Variants in SRRM2 observed in about 807,000 individuals in gnomAD.
SRRM2 encodes serine/arginine repetitive matrix 2, also known as serine/arginine repetitive matrix protein 2.
Under a neutral mutation model 213.8 loss-of-function variants are expected in SRRM2, and 30 were observed. The ratio of observed to expected loss-of-function variants is 0.14; its 90% CI spans 0.10 to 0.19. The LOEUF is 0.19. SRRM2 is among the 10% of genes least tolerant of loss of function. SRRM2 has a pLI of 1.00. For missense variants in SRRM2, 4,904 were observed against 3,647.0 expected (o/e 1.34, Z -8.88); for synonymous variants, 2,025 against 1,377.7 (o/e 1.47, Z -10.40).
chr16:2,759,309 T>A, intron 7 of SRRM2, 43 bp from the exon 8 acceptor site: 1 of 1,610,668 alleles, frequency 6.2e-7, no homozygotes, highest in Non-Finnish European at 8.5e-7. Flanking sequence ...TTTATTTCCT[T>A]TTTTAAAGAA....
At chr16:2,758,923 G>A in intron 5 of SRRM2, 62 bp from the exon 6 acceptor site, 1 of 1,593,422 alleles carries the variant, frequency 6.3e-7, no homozygotes. Context: ...GAGAGAGATT[G>A]TAAGTGGGAG....
chr16:2,761,442 T>C (rs2068344323), intron 10 of SRRM2, 119 bp from the exon 11 acceptor site: 1 of 744,172 alleles, frequency 1.3e-6, no homozygotes, highest in Non-Finnish European at 2.0e-6. Flanking sequence ...AAGTGATCGC[T>C]TGTGGTCAGA....
Position 2,765,759 on chromosome 16 carries a change from G to A in SRRM2, c.5231G>A (p.Arg1744Gln), listed in dbSNP as rs200616521. The change falls in exon 11 of 15, where the codon CGA (arginine) becomes CAA (glutamine). Residue 1744 changes from arginine (R) to glutamine (Q), a missense_variant. Coordinates refer to ENST00000301740, the MANE Select transcript of SRRM2 (RefSeq NM_016333.4). ...GCCGAAAAATCGAGGTCTTCACGCC[G>A]ACGGCGCTCAGCTTCATCTCCACGC... ...EPAEKSRSSR[R>Q]RRSASSPRTK... The A allele has an allele frequency of 1.2e-5, 19 of 1,614,072 alleles. No individual in the cohort carries two copies. The highest frequency in any genetic ancestry group is 8.3e-5 in the Admixed American group (5 of 60,024).
At chr16:2,758,293 C>T (rs1425682386) in intron 4 of SRRM2, among the ~76,000 whole-genome samples, 177 bp from the exon 5 acceptor site, 4 of 152,134 alleles carry the variant, frequency 2.6e-5, no homozygotes, top group African/African-American at 9.7e-5. Flanking sequence ...CTTTTGAGCC[C>T]ACAAGTTGGA....
chr16:2,752,863 G>A lies in SRRM2; in HGVS notation c.-32+17G>A, dbSNP rs753529015. ...AGGCGGCGGGTGAGAGGGTGAGGGAGCCAGCGAGCCGGGTGGGGGAGGGGC... is the reference window on the plus strand; with the variant it reads ...AGGCGGCGGGTGAGAGGGTGAGGGAACCAGCGAGCCGGGTGGGGGAGGGGC... On this transcript the variant is annotated intron_variant, in intron 1 of 14. Transcript: ENST00000301740. 15 of 224,112 alleles carry A rather than the reference G, an allele frequency of 6.7e-5. 1 individual carries two copies. Among genetic ancestry groups the A allele is most frequent in the South Asian group, 6.1e-4 (15 of 24,694 alleles). The allele number at this position is 224,112 out of a possible 1,614,324, so 13.9% of individuals were successfully genotyped here. A position where few individuals can be genotyped will look rare whatever the true frequency, so the allele number is the denominator to read the frequency against.
rs1160494828 is a variant in SRRM2 at position 2,767,853 on chromosome 16, C to T, written c.7325C>T (p.Pro2442Leu). The T allele has an allele frequency of 6.2e-7, 1 of 1,614,132 alleles. No individual in the cohort carries two copies. Residue 2442 changes from proline (P) to leucine (L), a missense_variant, in exon 11 of 15, where the codon CCA (proline) becomes CTA (leucine). By Grantham distance (98) the Pro-to-Leu change is moderately conservative. Transcript: ENST00000301740. ...GQAPSQSLLPPAQDQPRSPVP... is the reference protein window; with the variant it reads ...GQAPSQSLLPLAQDQPRSPVP... ...GCTCCTTCACAGTCTCTTCTCCCTC[C>T]AGCACAGGATCAGCCGAGGTCTCCT...
chr16:2,771,179 A>T lies in SRRM2; in HGVS notation c.*312A>T, dbSNP rs1383373935. On this transcript the variant is annotated 3_prime_UTR_variant, in exon 15 of 15. Transcript: ENST00000301740. ...GTCAGGGCCAGGGAGGCATGGCCCC[A>T]CTTGTATCCAGAAGTTCCCAGGGGT... 5 of 626,520 alleles carry T rather than the reference A, an allele frequency of 8.0e-6. No individual in the cohort carries two copies. Among genetic ancestry groups the T allele is most frequent in the South Asian group, 5.8e-5 (3 of 51,784 alleles). The allele number at this position is 626,520 out of a possible 1,614,324, so 38.8% of individuals were successfully genotyped here. A position where few individuals can be genotyped will look rare whatever the true frequency, so the allele number is the denominator to read the frequency against.
In SRRM2 at chr16:2,766,764, C is replaced by A; in HGVS notation, c.6236C>A (p.Ser2079Tyr). ...TRSPPAIRRR[S>Y]ASGSSSDRSR... Reference sequence around the variant, plus strand: ...TCTCCTCCAGCCATCCGCAGGCGTTCTGCATCTGGAAGTAGTTCTGATCGT... The same window carrying A: ...TCTCCTCCAGCCATCCGCAGGCGTTATGCATCTGGAAGTAGTTCTGATCGT... Residue 2079 changes from serine (S) to tyrosine (Y), a missense_variant, in exon 11 of 15, where the codon TCT (serine) becomes TAT (tyrosine). Transcript: ENST00000301740. The surrounding 1 kb of genome is among the most constrained non-coding windows in gnomAD (Gnocchi z 7.0). The A allele has an allele frequency of 1.2e-6, 2 of 1,614,206 alleles. No homozygotes were observed. The highest frequency in any genetic ancestry group is 1.7e-6 in the Non-Finnish European group (2 of 1,180,042).
At chr16:2,759,282 T>A in intron 7 of SRRM2, 70 bp from the exon 8 acceptor site, 1 of 1,607,224 alleles carries the variant, frequency 6.2e-7, no homozygotes, top group Non-Finnish European at 8.5e-7. Flanking sequence ...ACTCCCTCTT[T>A]CCATTTCACT....
Position 2,762,363 on chromosome 16 carries a change from G to A in SRRM2, c.1835G>A (p.Arg612Lys). ...TCTCGGTCTAGAACACCAGCCCGGA[G>A]GGGCAGGTCTCGGTCTAGAACACCT... ...RRSRSRTPAR[R>K]GRSRSRTPAR... Residue 612 changes from arginine to lysine, a missense_variant, in exon 11 of 15, where the codon AGG becomes AAG. By Grantham distance (26) the Arg-to-Lys change is conservative (BLOSUM62 2). Coordinates refer to ENST00000301740, the MANE Select transcript of SRRM2 (RefSeq NM_016333.4). 2 of 1,611,624 alleles carry A rather than the reference G, an allele frequency of 1.2e-6. No homozygotes were observed. Among genetic ancestry groups the A allele is most frequent in the Non-Finnish European group, 1.7e-6 (2 of 1,179,050 alleles).
chr16:2,762,536 C>A lies in SRRM2; in HGVS notation c.2008C>A (p.Arg670Ser). 1.2e-6 allele frequency: 2 copies of A among 1,613,868 alleles called. No individual in the cohort carries two copies. The highest frequency in any genetic ancestry group is 1.7e-6 in the Non-Finnish European group (2 of 1,179,992). Reference sequence around the variant, plus strand: ...AACCCCAGCCAGACGTGGCCGCTCACGCTCTAGAACCCCAGCTAGACGCAG... The same window carrying A: ...AACCCCAGCCAGACGTGGCCGCTCAAGCTCTAGAACCCCAGCTAGACGCAG... ...SRTPARRGRS[R>S]SRTPARRSGR... Residue 670 changes from arginine (R) to serine (S), a missense_variant, in exon 11 of 15, where the codon CGC becomes AGC. Coordinates refer to ENST00000301740, the MANE Select transcript of SRRM2 (RefSeq NM_016333.4).
Position 2,757,543 on chromosome 16 carries a change from C to G in SRRM2, c.314C>G (p.Pro105Arg). 6.2e-7 allele frequency: 1 copy of G among 1,614,008 alleles called. No individual in the cohort carries two copies. The highest frequency in any genetic ancestry group is 8.5e-7 in the Non-Finnish European group (1 of 1,179,976). Residue 105 changes from proline (P) to arginine (R), a missense_variant, in exon 3 of 15, where the codon CCT becomes CGT. Coordinates refer to ENST00000301740, the MANE Select transcript of SRRM2 (RefSeq NM_016333.4). Reference sequence around the variant, plus strand: ...ATGTTGCTGGAGAAGGATGTGAACCCTGGGGGCAAGGAGGAGACCCCAGGG... The same window carrying G: ...ATGTTGCTGGAGAAGGATGTGAACCGTGGGGGCAAGGAGGAGACCCCAGGG... Reference protein sequence around the residue: ...RLMLLEKDVNPGGKEETPGQR... With the variant: ...RLMLLEKDVNRGGKEETPGQR...
Position 2,765,976 on chromosome 16 carries a change from A to G in SRRM2, c.5448A>G (p.Gly1816=), listed in dbSNP as rs1337911906. Residue 1816 remains glycine (G), a synonymous_variant, in exon 11 of 15, where the codon GGA becomes GGG. Coordinates refer to ENST00000301740, the MANE Select transcript of SRRM2 (RefSeq NM_016333.4). ...CGCGGGTTACTCGGCGGCGGAGGGG[A>G]GGCTCTGGTTATCACTCAAGGTCAC... ...SRSRVTRRRR[G]GSGYHSRSPA... 1 of 1,614,074 alleles carries G rather than the reference A, an allele frequency of 6.2e-7. No individual in the cohort carries two copies. The highest frequency in any genetic ancestry group is 1.3e-5 in the African/African-American group (1 of 74,996).
At chr16:2,761,371 C>T (rs1437203914) in intron 10 of SRRM2, among the ~76,000 whole-genome samples, 190 bp from the exon 11 acceptor site, 1 of 152,184 alleles carries the variant, frequency 6.6e-6, no homozygotes, top group African/African-American at 2.4e-5. Flanking sequence ...AAGATTCTGG[C>T]TATCCATATA....
rs753507937 is a variant in SRRM2 at position 2,768,204 on chromosome 16, G to A, written c.7676G>A (p.Ser2559Asn). ...TCGTCCTCCTCCTCCTCTGGCTCCA[G>A]TTCTAGTGACTCAGAGGGCTCTAGC... The part of the protein sequence containing the change: ...SSSSSSSSGS[S>N]SSDSEGSSLP... The change falls in exon 11 of 15, where the codon AGT (serine) becomes AAT (asparagine). Residue 2559 changes from serine to asparagine, a missense_variant. Physicochemically the swap from Ser to Asn is conservative, Grantham distance 46. Transcript: ENST00000301740. 6.2e-7 allele frequency: 1 copy of A among 1,604,690 alleles called. No homozygotes were observed. Among genetic ancestry groups the A allele is most frequent in the African/African-American group, 1.3e-5 (1 of 74,580 alleles).
rs2068452223 is a variant in SRRM2, at chr16:2,763,962, A to G, written c.3434A>G (p.Tyr1145Cys). ...AGGTTCCAGTCTGACTCTTCTTCAT[A>G]TCCTACAGTGGACTCGAATTCTCTC... ...QSRFQSDSSS[Y>C]PTVDSNSLLG... Residue 1145 changes from tyrosine to cysteine, a missense_variant, in exon 11 of 15, where the codon TAT becomes TGT. Coordinates refer to ENST00000301740, the MANE Select transcript of SRRM2 (RefSeq NM_016333.4). 1.2e-6 allele frequency: 2 copies of G among 1,614,176 alleles called. No homozygotes were observed. Among genetic ancestry groups the G allele is most frequent in the South Asian group, 2.2e-5 (2 of 91,082 alleles).
Position 2,771,097 on chromosome 16 carries a change from G to GTGTGGGGGGGGTTGGGGGGGGGGGGGA in SRRM2, c.*230_*231insTGTGGGGGGGGTTGGGGGGGGGGGGGA. ...GTTCTGGGGGGTTTGGGGTGGGAGG[G>GTGTGGGGGGGGTTGGGGGGGGGGGGGA]AATGCAGATGGGAGTTGGGGGAGGG... On this transcript the variant is annotated 3_prime_UTR_variant, in exon 15 of 15. Transcript: ENST00000301740. 3.0e-6 allele frequency: 1 copy of GTGTGGGGGGGGTTGGGGGGGGGGGGGA among 336,638 alleles called. No homozygotes were observed. Among genetic ancestry groups the GTGTGGGGGGGGTTGGGGGGGGGGGGGA allele is most frequent in the Non-Finnish European group, 5.7e-6 (1 of 174,698 alleles). 20.9% of individuals were successfully genotyped at this position (336,638 alleles called of 1,614,324 possible). A position where few individuals can be genotyped will look rare whatever the true frequency, so the allele number is the denominator to read the frequency against.
At chr16:2,769,698 ACAT>A in intron 12 of SRRM2, 1 of 485,896 alleles carries the variant, frequency 2.1e-6, no homozygotes, top group Non-Finnish European at 4.0e-6. Flanking sequence ...TCTAAAACGC[ACAT>A]CTGGCTACTT....
intron 10 of SRRM2, among the ~76,000 whole-genome samples, 190 bp from the exon 11 acceptor site, chr16:2,761,370 GC>G (rs2068340732): frequency 6.6e-6 from 1 of 152,078 alleles, no homozygotes; most frequent in African/African-American, 2.4e-5. Context: ...TAAGATTCTG[GC>G]TATCCATATA....
Sources: allele counts gnomAD v4.1 joint callset (sites outside exome capture counted in the v4.1 genomes callset), GRCh38; gene constraint gnomAD v4.1.1; non-coding constraint Gnocchi (gnomAD v3.1); transcripts MANE v1.5; gene names NCBI Gene and HGNC (gene_info 2026-07-23, HGNC 2026-07-21).